BCAR3: variants seen among roughly 807,000 people sequenced by gnomAD.
BCAR3 encodes the protein breast cancer anti-estrogen resistance protein 3.
BCAR3 carries 37 observed loss-of-function variants against 80.1 expected under a neutral mutation model. The observed-to-expected ratio is 0.46, with a 90% confidence interval of 0.36 to 0.61. The LOEUF (loss-of-function observed/expected upper bound fraction) is 0.61. Among genes scored for constraint, BCAR3 ranks in the 20% least tolerant of loss-of-function variants. BCAR3 has a pLI of 0.00. For missense variants in BCAR3, 978 were observed against 1,068.2 expected, an observed-to-expected ratio of 0.92 and a Z score of 1.18; for synonymous variants, 389 against 418.9, an observed-to-expected ratio of 0.93 and a Z score of 0.87.
At chr1:93,608,604 C>T (rs993018262) in intron 3 of BCAR3, among the ~76,000 whole-genome samples, 2 of 152,192 alleles carry the variant, frequency 1.3e-5, no homozygotes, top group African/African-American at 4.8e-5. Flanking sequence ...ATCCCAATCC[C>T]GTCTCTGCTT....
chr1:93,759,456 G>T (rs1355616211), intron 2 of BCAR3, among the ~76,000 whole-genome samples: 2 of 152,148 alleles, frequency 1.3e-5, no homozygotes, highest in Non-Finnish European at 2.9e-5. Flanking sequence ...GTGGCACCTG[G>T]CTGTGTTACC....
At position 93,820,806 on chromosome 1, in the gene BCAR3, C is replaced by T. The variant is rs150510457; in HGVS notation, c.-63+24761G>A. Among the ~76,000 whole-genome samples, 786 of 152,246 alleles carry T rather than the reference C, an allele frequency of 5.2e-3. 2 individuals carry two copies. Among genetic ancestry groups the T allele is most frequent in the Non-Finnish European group, 8.7e-3 (595 of 68,012 alleles). On this transcript the variant is annotated intron_variant, in intron 2 of 13. Coordinates refer to the BCAR3 transcript ENST00000370244. ...CAGACGATGGGGCTGAAAGTTCCAA[C>T]CCTCTAATCGTAAGCTTGATTCCTC...
chr1:93,817,945 G>A (rs1278884218), intron 2 of BCAR3, among the ~76,000 whole-genome samples: 1 of 152,092 alleles, frequency 6.6e-6, no homozygotes, highest in African/African-American at 2.4e-5. Context: ...AGGAAGCTTT[G>A]CTCCCCGCCG....
At chr1:93,722,670 A>T (rs866776763) in intron 2 of BCAR3, among the ~76,000 whole-genome samples, 27 of 152,188 alleles carry the variant, frequency 1.8e-4, no homozygotes, top group African/African-American at 6.5e-4. Context: ...TCCCAGTCCC[A>T]GGGACTGGTG....
intron 2 of BCAR3, among the ~76,000 whole-genome samples, chr1:93,770,675 G>A (rs963290872): frequency 2.6e-5 from 4 of 152,292 alleles, no homozygotes; most frequent in Admixed American, 6.5e-5. Context: ...GCTTCAATAG[G>A]TTATCAACAA....
Position 93,598,439 on chromosome 1 carries a change from C to T in BCAR3, c.358-6046G>A, listed in dbSNP as rs866912353. Reference sequence around the variant, plus strand: ...CCACAGGATTTTAAATTGTGCAAATCGGCAGGAAAGACTCTATCCCCAGGC... The same window carrying T: ...CCACAGGATTTTAAATTGTGCAAATTGGCAGGAAAGACTCTATCCCCAGGC... On this transcript the variant is annotated intron_variant, in intron 3 of 11. Coordinates refer to ENST00000260502, the MANE Select transcript of BCAR3 (RefSeq NM_003567.4). Among the ~76,000 whole-genome samples, 6 of 152,278 alleles carry T rather than the reference C, an allele frequency of 3.9e-5. No homozygotes were observed. In the Middle Eastern group the frequency reaches 0.01, roughly 259 times the overall value.
At chr1:93,840,669 G>A (rs1333152270) in intron 2 of BCAR3, among the ~76,000 whole-genome samples, 1 of 152,200 alleles carries the variant, frequency 6.6e-6, no homozygotes, top group Non-Finnish European at 1.5e-5. Context: ...GGACACTGAA[G>A]ATCCACTTCT....
chr1:93,623,066 C>T (rs1268901429), intron 3 of BCAR3, among the ~76,000 whole-genome samples: 1 of 152,124 alleles, frequency 6.6e-6, no homozygotes, highest in African/African-American at 2.4e-5. Flanking sequence ...ACATCCCCAC[C>T]CCCTGCCCAT....
intron 7 of BCAR3, among the ~76,000 whole-genome samples, chr1:93,578,426 C>T (rs1673548225): frequency 6.6e-6 from 1 of 152,180 alleles, no homozygotes; most frequent in South Asian, 2.1e-4. Flanking sequence ...CACACCCCAC[C>T]CCTAACCCCA....
At chr1:93,576,566 G>A (rs918689069) in intron 7 of BCAR3, among the ~76,000 whole-genome samples, 6 of 152,174 alleles carry the variant, frequency 3.9e-5, no homozygotes, top group African/African-American at 1.2e-4. Flanking sequence ...TGTGGGCTTT[G>A]CCATTCATGT....
intron 3 of BCAR3, among the ~76,000 whole-genome samples, chr1:93,640,509 C>T (rs1675945561): frequency 6.6e-6 from 1 of 152,074 alleles, no homozygotes; most frequent in African/African-American, 2.4e-5. Flanking sequence ...GAAAGGGTAC[C>T]CTTCGGAATA....
intron 2 of BCAR3, among the ~76,000 whole-genome samples, chr1:93,721,436 C>T (rs1650398314): frequency 6.6e-6 from 1 of 152,164 alleles, no homozygotes; most frequent in African/African-American, 2.4e-5. Flanking sequence ...CCTGGGAAGC[C>T]CTCCCTGACT....
At chr1:93,818,857 T>A (rs1381857329) in intron 2 of BCAR3, among the ~76,000 whole-genome samples, 1 of 152,130 alleles carries the variant, frequency 6.6e-6, no homozygotes, top group African/African-American at 2.4e-5. Context: ...TACAGCCCCA[T>A]GGGTCAGTAA....
chr1:93,733,678 A>G (rs1056661890), intron 2 of BCAR3, among the ~76,000 whole-genome samples: 3 of 152,198 alleles, frequency 2.0e-5, no homozygotes, highest in Admixed American at 6.5e-5. Flanking sequence ...GAGTGTGTGC[A>G]CACGCATGCA....
chr1:93,805,254 A>G (rs1173821930), intron 2 of BCAR3, among the ~76,000 whole-genome samples: 1 of 152,246 alleles, frequency 6.6e-6, no homozygotes, highest in African/African-American at 2.4e-5. Context: ...ACAGAAATAG[A>G]TGTATGAATA....
intron 3 of BCAR3, chr1:93,599,701 G>A (rs1262141374): frequency 6.6e-6 from 1 of 152,186 alleles, no homozygotes; most frequent in African/African-American, 2.4e-5. Context: ...GTGCCTGGTA[G>A]GGATATTTAC....
intron 2 of BCAR3, among the ~76,000 whole-genome samples, chr1:93,670,494 G>T (rs1648150977): frequency 6.6e-6 from 1 of 152,212 alleles, no homozygotes; most frequent in Non-Finnish European, 1.5e-5. Context: ...ATAGCTCAGA[G>T]GATGCCCACA....
chr1:93,816,691 A>G (rs935239387), intron 2 of BCAR3, among the ~76,000 whole-genome samples: 1 of 151,362 alleles, frequency 6.6e-6, no homozygotes, highest in African/African-American at 2.4e-5. Context: ...AAAAAAAAAA[A>G]AAAAGAAATT....
At chr1:93,791,030 C>T (rs1653135342) in intron 2 of BCAR3, among the ~76,000 whole-genome samples, 2 of 83,646 alleles carry the variant, frequency 2.4e-5, no homozygotes, top group Non-Finnish European at 4.2e-5. Flanking sequence ...ACATGTGCCA[C>T]ATTTTCTTAA....
Sources: gnomAD v4.1 joint callset for allele counts (sites outside exome capture counted in the v4.1 genomes callset) on GRCh38, gnomAD v4.1.1 for gene constraint, MANE v1.5 for transcripts, NCBI Gene and HGNC (gene_info 2026-07-23, HGNC 2026-07-21) for gene names.